APOBEC4: variants seen among roughly 807,000 people sequenced by gnomAD.
APOBEC4 encodes the protein putative deaminase APOBEC-4.
For synonymous variants in APOBEC4, 141 were observed against 154.2 expected, an observed-to-expected ratio of 0.91 and a Z score of 0.63; for missense variants, 375 against 441.2, an observed-to-expected ratio of 0.85 and a Z score of 1.34.
rs1341865546 is a variant in APOBEC4, at chr1:183,648,574, C to T, written c.208G>A (p.Glu70Lys). Residue 70 changes from glutamate to lysine, a missense_variant, in exon 2 of 2, where the codon GAA becomes AAA. Physicochemically the swap from Glu to Lys is moderately conservative, Grantham distance 56. Coordinates refer to ENST00000308641, the MANE Select transcript of APOBEC4 (RefSeq NM_203454.3). ...AGGCTACCAGAAGAAGTTTTTAGTT[C>T]ATAAAATGTGAGGTGTTTTGTTTGA... is the stretch of plus-strand genomic sequence containing the variant. ...FPQTKHLTFYELKTSSGSLVQ... is the reference protein window; with the variant it reads ...FPQTKHLTFYKLKTSSGSLVQ... 1.9e-6 allele frequency: 3 copies of T among 1,614,124 alleles called. No homozygotes were observed. Among genetic ancestry groups the T allele is most frequent in the Non-Finnish European group, 2.5e-6 (3 of 1,180,012 alleles).
intron 1 of APOBEC4, among the ~76,000 whole-genome samples, chr1:183,652,475 C>T (rs1407055723): frequency 6.6e-6 from 1 of 152,212 alleles, no homozygotes; most frequent in East Asian, 1.9e-4. Context: ...TCACCCTCAT[C>T]TGAAGAGGAA....
In APOBEC4 at chr1:183,646,317, C is replaced by T. The variant is rs1650287456; in HGVS notation, c.*1361G>A. Reference sequence around the variant, plus strand: ...ATTCATGTTTATTTTAACCACAATACTAATTGCTATTCCTAAAATATGTTT... The same window carrying T: ...ATTCATGTTTATTTTAACCACAATATTAATTGCTATTCCTAAAATATGTTT... On this transcript the variant is annotated 3_prime_UTR_variant, in exon 2 of 2. Coordinates refer to ENST00000308641, the MANE Select transcript of APOBEC4 (RefSeq NM_203454.3). 6.6e-6 allele frequency: 1 copy of T among 152,070 alleles called. No homozygotes were observed. Among genetic ancestry groups the T allele is most frequent in the Non-Finnish European group, 1.5e-5 (1 of 68,014 alleles). The allele number at this position is 152,070 out of a possible 1,614,324, so 9.4% of individuals were successfully genotyped here.
Position 183,648,040 on chromosome 1 carries a change from T to C in APOBEC4, c.742A>G (p.Arg248Gly). ...TCCTGAGCTTTTGTGTTTGGATTCC[T>C]TTTTGTCTGGAGAAGAACATCAGTG... ...YFTDVLLQTK[R>G]NPNTKAQEAL... Residue 248 changes from arginine (R) to glycine (G), a missense_variant, in exon 2 of 2, where the codon AGG becomes GGG. Transcript: ENST00000308641. 1 of 1,614,232 alleles carries C rather than the reference T, an allele frequency of 6.2e-7. No individual in the cohort carries two copies. The highest frequency in any genetic ancestry group is 8.5e-7 in the Non-Finnish European group (1 of 1,180,032).
intron 1 of APOBEC4, among the ~76,000 whole-genome samples, chr1:183,649,125 G>T (rs1650534855): frequency 1.3e-5 from 2 of 152,192 alleles, no homozygotes; most frequent in Admixed American, 1.3e-4. Flanking sequence ...TTATCAGCTT[G>T]GTGGCCTTTG....
Position 183,647,493 on chromosome 1 carries a change from T to G in APOBEC4, c.*185A>C. The G allele has an allele frequency of 1.0e-6, 1 of 966,930 alleles. No individual in the cohort carries two copies. 59.9% of individuals were successfully genotyped at this position (966,930 alleles called of 1,614,324 possible). ...AGAGATCAAGTTGCTTATGGAAACA[T>G]TTTGGATTATGTTTAAAATAGTGTA... On this transcript the variant is annotated 3_prime_UTR_variant, in exon 2 of 2. Coordinates refer to ENST00000308641, the MANE Select transcript of APOBEC4 (RefSeq NM_203454.3).
At chr1:183,650,558 A>G (rs1472405777) in intron 1 of APOBEC4, among the ~76,000 whole-genome samples, 1 of 152,142 alleles carries the variant, frequency 6.6e-6, no homozygotes, top group Non-Finnish European at 1.5e-5. Flanking sequence ...GAAAAACAAA[A>G]AACACAATAT....
intron 1 of APOBEC4, among the ~76,000 whole-genome samples, chr1:183,652,598 C>T (rs997488785): frequency 2.6e-5 from 4 of 152,182 alleles, no homozygotes; most frequent in Non-Finnish European, 4.4e-5. Flanking sequence ...TCATTTTATT[C>T]TCCCCAACCA....
rs367783044 is a variant in APOBEC4 at position 183,647,845 on chromosome 1, G to A, written c.937C>T (p.Pro313Ser). The A allele has an allele frequency of 4.2e-5, 68 of 1,614,046 alleles. No individual in the cohort carries two copies. The Middle Eastern group carries it at 6.6e-4, about 16-fold the overall frequency. The part of the protein sequence containing the change: ...PMHMGQNPNK[P>S]RNIVRHLNMP... The stretch of plus-strand genomic sequence containing the variant: ...TTTAAGTGCCTTACGATATTCCTGG[G>A]TTTATTTGGGTTTTGGCCCATATGC... Residue 313 changes from proline to serine, a missense_variant, in exon 2 of 2, where the codon CCC (proline) becomes TCC (serine). Physicochemically the swap from Pro to Ser is moderately conservative, Grantham distance 74 (BLOSUM62 -1). Coordinates refer to ENST00000308641, the MANE Select transcript of APOBEC4 (RefSeq NM_203454.3).
chr1:183,650,718 T>TG (rs1558133683), intron 1 of APOBEC4, among the ~76,000 whole-genome samples: 1 of 150,886 alleles, frequency 6.6e-6, no homozygotes, highest in Non-Finnish European at 1.5e-5. Flanking sequence ...ATTTTTTTTT[T>TG]TTTTTAGAAT....
In APOBEC4 at chr1:183,648,672, G is replaced by A; in HGVS notation, c.110C>T (p.Thr37Ile). The change falls in exon 2 of 2, where the codon ACA becomes ATA. Residue 37 changes from threonine to isoleucine, a missense_variant. By Grantham distance (89) the Thr-to-Ile change is moderately conservative. Transcript: ENST00000308641. ...GAGGGAAACTCTTGCTTCTTCACCT[G>A]TTCGAATATGGTAAGGACAATTAGA... is the stretch of plus-strand genomic sequence containing the variant. ...DCSNCPYHIR[T>I]GEEARVSLTE... The A allele has an allele frequency of 6.2e-7, 1 of 1,614,202 alleles. No individual in the cohort carries two copies. The highest frequency in any genetic ancestry group is 8.5e-7 in the Non-Finnish European group (1 of 1,180,016).
Position 183,647,762 on chromosome 1 carries a change from C to G in APOBEC4, c.1020G>C (p.Arg340Ser). 1 of 1,614,178 alleles carries G rather than the reference C, an allele frequency of 6.2e-7. No individual in the cohort carries two copies. Among genetic ancestry groups the G allele is most frequent in the Non-Finnish European group, 8.5e-7 (1 of 1,180,036 alleles). Residue 340 changes from arginine to serine, a missense_variant, in exon 2 of 2, where the codon AGG becomes AGC. Transcript: ENST00000308641. ...TKDLGRLPTG[R>S]SVEIVEITEQ... is the part of the protein sequence containing the mutation. ...CTGTGATTTCCACTATCTCCACTGACCTTCCAGTGGGAAGCCTTCCAAGGT... is the reference window on the plus strand; with the variant it reads ...CTGTGATTTCCACTATCTCCACTGAGCTTCCAGTGGGAAGCCTTCCAAGGT...
Position 183,648,657 on chromosome 1 carries a change from C to T in APOBEC4, c.125G>A (p.Arg42Lys), listed in dbSNP as rs1435250522. Reference sequence around the variant, plus strand: ...CTGACAAAATTCTGTGAGGGAAACTCTTGCTTCTTCACCTGTTCGAATATG... The same window carrying T: ...CTGACAAAATTCTGTGAGGGAAACTTTTGCTTCTTCACCTGTTCGAATATG... ...PYHIRTGEEA[R>K]VSLTEFCQIF... The change falls in exon 2 of 2, where the codon AGA becomes AAA. Residue 42 changes from arginine (R) to lysine (K), a missense_variant. Coordinates refer to ENST00000308641, the MANE Select transcript of APOBEC4 (RefSeq NM_203454.3). The T allele has an allele frequency of 5.0e-6, 8 of 1,614,092 alleles. No homozygotes were observed. The Admixed American group carries it at 1.2e-4, about 24-fold the overall frequency.
At chr1:183,651,829 C>T (rs3889888) in intron 1 of APOBEC4, among the ~76,000 whole-genome samples, 1,987 of 152,316 alleles carry the variant, frequency 0.013, 54 homozygotes, top group African/African-American at 0.046. Context: ...TGGAACCTGA[C>T]GCCATTTCCT....
chr1:183,649,624 C>T (rs559826510), intron 1 of APOBEC4, among the ~76,000 whole-genome samples: 7 of 152,170 alleles, frequency 4.6e-5, no homozygotes, highest in South Asian at 4.2e-4. Context: ...TTTTCTTTCC[C>T]GTGAGTGGGT....
At position 183,648,195 on chromosome 1, in the gene APOBEC4, G is replaced by C. The variant is rs79543078; in HGVS notation, c.587C>G (p.Ser196Cys). The C allele has an allele frequency of 2.4e-3, 3,940 of 1,614,144 alleles. 94 individuals carry two copies. The African/African-American group carries it at 0.048, about 20-fold the overall frequency. ...ACCACTTATAAAGCTGTGGAGAACA[G>C]AATGCCAGATCCCACCACTTATTGG... Reference protein sequence around the residue: ...LSPISGGIWHSVLHSFISGVS... With the variant: ...LSPISGGIWHCVLHSFISGVS... The change falls in exon 2 of 2, where the codon TCT (serine) becomes TGT (cysteine). Residue 196 changes from serine to cysteine, a missense_variant. By Grantham distance (112) the Ser-to-Cys change is moderately radical. Coordinates refer to ENST00000308641, the MANE Select transcript of APOBEC4 (RefSeq NM_203454.3).
chr1:183,649,870 G>A (rs1033443595), intron 1 of APOBEC4, among the ~76,000 whole-genome samples: 1 of 152,170 alleles, frequency 6.6e-6, no homozygotes, highest in African/African-American at 2.4e-5. Context: ...GCAGTGCAGT[G>A]AGATGATCAT....
Position 183,648,217 on chromosome 1 carries a change from T to C in APOBEC4, c.565A>G (p.Ile189Val), listed in dbSNP as rs762762558. ...ACAGAATGCCAGATCCCACCACTTATTGGACTCAAAACAACCCGCGGCCAT... is the reference window on the plus strand; with the variant it reads ...ACAGAATGCCAGATCCCACCACTTACTGGACTCAAAACAACCCGCGGCCAT... ...SLWPRVVLSP[I>V]SGGIWHSVLH... The change falls in exon 2 of 2, where the codon ATA becomes GTA. Residue 189 changes from isoleucine (I) to valine (V), a missense_variant. By Grantham distance (29) the Ile-to-Val change is conservative (BLOSUM62 3). Transcript: ENST00000308641. 1.5e-5 allele frequency: 25 copies of C among 1,614,082 alleles called. No homozygotes were observed. The highest frequency in any genetic ancestry group is 2.2e-5 in the East Asian group (1 of 44,906).
At chr1:183,649,588 G>T (rs79001632) in intron 1 of APOBEC4, among the ~76,000 whole-genome samples, 1,982 of 152,228 alleles carry the variant, frequency 0.013, 48 homozygotes, top group African/African-American at 0.046. Context: ...TTGGATTGTG[G>T]ACACTCATTC....
chr1:183,650,970 T>C (rs1650708465), intron 1 of APOBEC4, among the ~76,000 whole-genome samples: 1 of 152,208 alleles, frequency 6.6e-6, no homozygotes, highest in Non-Finnish European at 1.5e-5. Context: ...TTTACCTATT[T>C]TTTGCGTGAA....
Sources: allele counts gnomAD v4.1 joint callset (sites outside exome capture counted in the v4.1 genomes callset), GRCh38; gene constraint gnomAD v4.1.1; transcripts MANE v1.5; gene names NCBI Gene and HGNC (gene_info 2026-07-23, HGNC 2026-07-21).